RNF213: variants seen among roughly 807,000 people sequenced by gnomAD.
RNF213 encodes the protein ring finger protein 213, also known as E3 ubiquitin-protein ligase RNF213.
Under a neutral mutation model 514.4 loss-of-function variants are expected in RNF213, and 341 were observed. That is an observed-to-expected ratio of 0.66 (90% CI 0.61 to 0.73). RNF213 has a LOEUF of 0.73. Ranked by LOEUF, RNF213 falls within the 30% of genes least tolerant of loss-of-function variation. The pLI is 0.00. For missense variants in RNF213, 5,767 were observed against 6,615.6 expected (o/e 0.87, Z 4.45); for synonymous variants, 2,655 against 2,658.2 (o/e 1.00, Z 0.04).
At chr17:80,378,697 A>G (rs372829933) in intron 54 of RNF213, among the ~76,000 whole-genome samples, 1 of 152,126 alleles carries the variant, frequency 6.6e-6, no homozygotes, top group Non-Finnish European at 1.5e-5. Flanking sequence ...CTGAGCTTCA[A>G]TCACTTCCTT....
chr17:80,354,773 A>G lies in RNF213; in HGVS notation c.10862+197A>G, dbSNP rs1289766361. ...ACAGTGGCCAAATGGCAGGTGCTGG[A>G]CTCTTCCTCTAATTTCGTGTTTACA... is the stretch of plus-strand genomic sequence containing the variant. On this transcript the variant is annotated intron_variant, in intron 36 of 67. Transcript: ENST00000582970. The G allele has an allele frequency of 1.1e-5, 7 of 641,942 alleles. No individual in the cohort carries two copies. The Admixed American group carries it at 2.0e-4, about 18-fold the overall frequency. 39.8% of individuals were successfully genotyped at this position (641,942 alleles called of 1,614,324 possible).
In RNF213 at chr17:80,337,166, G is replaced by C. The variant is rs537027553; in HGVS notation, c.4528-420G>C. The stretch of plus-strand genomic sequence containing the variant: ...TCTCTTATTGTACTTGGGGACCACA[G>C]AAGGACACTGAGGACTTGGGACTCC... On this transcript the variant is annotated intron_variant, in intron 23 of 67. Coordinates refer to ENST00000582970, the MANE Select transcript of RNF213 (RefSeq NM_001256071.3). Among the ~76,000 whole-genome samples the C allele has an allele frequency of 1.6e-4, 24 of 152,344 alleles. No homozygotes were observed. In the South Asian group the frequency reaches 4.8e-3, roughly 30 times the overall value.
Position 80,344,784 on chromosome 17 carries a change from C to G in RNF213, c.6449C>G (p.Thr2150Arg). The G allele has an allele frequency of 6.2e-7, 1 of 1,614,190 alleles. No individual in the cohort carries two copies. The highest frequency in any genetic ancestry group is 2.2e-5 in the East Asian group (1 of 44,886). Reference sequence around the variant, plus strand: ...GAGCTGAGTGCCCTGAGGAGTGACACAGAGCCTGGGATGGATCTGTGGGAG... The same window carrying G: ...GAGCTGAGTGCCCTGAGGAGTGACAGAGAGCCTGGGATGGATCTGTGGGAG... ...DMELSALRSD[T>R]EPGMDLWEFC... Residue 2150 changes from threonine to arginine, a missense_variant, in exon 29 of 68, where the codon ACA becomes AGA. By Grantham distance (71) the Thr-to-Arg change is moderately conservative. Transcript: ENST00000582970.
At position 80,339,762 on chromosome 17, in the gene RNF213, C is replaced by T. The variant is rs34399489; in HGVS notation, c.5395C>T (p.Leu1799=). Residue 1799 remains leucine (L), a synonymous_variant, in exon 26 of 68, where the codon CTA becomes TTA. Coordinates refer to ENST00000582970, the MANE Select transcript of RNF213 (RefSeq NM_001256071.3). ...TGCCTTCCTGCCCGACTGCCTCGAC[C>T]TAGAGACCCTTGGCCACTGTCTGGC... ...LPAFLPDCLD[L]ETLGHCLAHL... 24,527 of 1,536,838 alleles carry T rather than the reference C, an allele frequency of 0.016. 228 individuals carry two copies. The highest frequency in any genetic ancestry group is 0.034 in the Middle Eastern group (201 of 5,990).
At chr17:80,276,925 C>T (rs1298616286) in intron 3 of RNF213, among the ~76,000 whole-genome samples, 2 of 151,762 alleles carry the variant, frequency 1.3e-5, no homozygotes, top group Non-Finnish European at 2.9e-5. Flanking sequence ...GGCGTGGTGG[C>T]GTATGCCTGT....
chr17:80,377,835 G>A lies in RNF213; in HGVS notation c.13545+39G>A, dbSNP rs200208573. 5.0e-6 allele frequency: 8 copies of A among 1,610,366 alleles called. No homozygotes were observed. The highest frequency in any genetic ancestry group is 1.7e-4 in the Middle Eastern group (1 of 6,050). On this transcript the variant is annotated intron_variant, in intron 54 of 67. Coordinates refer to ENST00000582970, the MANE Select transcript of RNF213 (RefSeq NM_001256071.3). The surrounding 1 kb of genome is among the most constrained non-coding windows in gnomAD (Gnocchi z 4.1). ...TTTAAGATAGGGTTTGAGGGGTGGC[G>A]TGCACTCCTGGGTTGGAGGAGGGGG...
chr17:80,372,883 G>A, intron 48 of RNF213, 92 bp from the exon 49 acceptor site: 1 of 1,412,032 alleles, frequency 7.1e-7, no homozygotes, highest in Non-Finnish European at 9.8e-7. Context: ...GAATGCCTGT[G>A]GGTAGGTCCG....
rs112918888 is a variant in RNF213 at position 80,263,488 on chromosome 17, G to C, written c.-108-86G>C. The C allele has an allele frequency of 7.5e-5, 47 of 623,348 alleles. No homozygotes were observed. Among genetic ancestry groups the C allele is most frequent in the East Asian group, 5.7e-4 (20 of 34,932 alleles). The allele number at this position is 623,348 out of a possible 1,614,324, so 38.6% of individuals were successfully genotyped here. On this transcript the variant is annotated intron_variant, in intron 1 of 67. Coordinates refer to ENST00000582970, the MANE Select transcript of RNF213 (RefSeq NM_001256071.3). This position sits in a 1 kb window ranked among gnomAD's most constrained non-coding sequence, Gnocchi z 4.9. ...GAGAGCCAAGGGGGCAGCACAGAGC[G>C]GGGAGGGGCTGGGCTTGGGCTGTGC...
Position 80,328,346 on chromosome 17 carries a change from C to G in RNF213, c.3386C>G (p.Pro1129Arg). ...IWQLREKSLS[P>R]QDEQCAVEEA... ...TTTCCAGGGGAAAAAAGTCTTTCAC[C>G]CCAGGATGAACAATGTGCTGTGGAG... Residue 1129 changes from proline to arginine, a missense_variant, in exon 20 of 68, where the codon CCC becomes CGC. By Grantham distance (103) the Pro-to-Arg change is moderately radical. This residue lies in a region of RNF213 where 516 missense variants were observed against 566.5 expected (regional missense o/e 0.91). Transcript: ENST00000582970. 2 of 1,536,500 alleles carry G rather than the reference C, an allele frequency of 1.3e-6. No individual in the cohort carries two copies. Among genetic ancestry groups the G allele is most frequent in the Non-Finnish European group, 1.7e-6 (2 of 1,146,570 alleles).
intron 49 of RNF213, among the ~76,000 whole-genome samples, chr17:80,374,024 A>AAG (rs1555677339): frequency 2.0e-5 from 3 of 151,144 alleles, no homozygotes; most frequent in Non-Finnish European, 4.4e-5. Flanking sequence ...AAAAAAAAAA[A>AAG]GAGGCTTCAA....
In RNF213 at chr17:80,361,753, G is replaced by A; in HGVS notation, c.11220G>A (p.Val3740=). The change falls in exon 39 of 68, where the codon GTG becomes GTA. Residue 3740 remains valine (V), a synonymous_variant. Coordinates refer to ENST00000582970, the MANE Select transcript of RNF213 (RefSeq NM_001256071.3). ...CTGCAGGACTGCCCAAGAAGTTCGTGGACATCTTTCAGCAGACTCCTCTGG... is the reference window on the plus strand; with the variant it reads ...CTGCAGGACTGCCCAAGAAGTTCGTAGACATCTTTCAGCAGACTCCTCTGG... The part of the protein sequence containing the change: ...TDAEGLPKKF[V]DIFQQTPLGR... 1 of 1,613,740 alleles carries A rather than the reference G, an allele frequency of 6.2e-7. No homozygotes were observed. Among genetic ancestry groups the A allele is most frequent in the Non-Finnish European group, 8.5e-7 (1 of 1,179,812 alleles).
At chr17:80,307,728 T>G (rs1273792283) in intron 13 of RNF213, among the ~76,000 whole-genome samples, 1 of 152,052 alleles carries the variant, frequency 6.6e-6, no homozygotes, top group Non-Finnish European at 1.5e-5. Flanking sequence ...TTTTGTATTT[T>G]TAGTAGAGAT....
At chr17:80,320,467 C>G (rs1451039140) in intron 17 of RNF213, 2 of 152,184 alleles carry the variant, frequency 1.3e-5, no homozygotes, top group African/African-American at 4.8e-5. Context: ...ATTCTCCTGC[C>G]TCAGCCTCCC....
intron 20 of RNF213, among the ~76,000 whole-genome samples, chr17:80,330,683 G>T (rs1418562051): frequency 6.6e-6 from 1 of 152,222 alleles, no homozygotes; most frequent in Non-Finnish European, 1.5e-5. Flanking sequence ...GTTCTGCCAT[G>T]TATCTGTGGC....
At position 80,393,512 on chromosome 17, in the gene RNF213, G is replaced by T; in HGVS notation, c.*14G>T. The T allele has an allele frequency of 6.2e-7, 1 of 1,613,610 alleles. No individual in the cohort carries two copies. On this transcript the variant is annotated 3_prime_UTR_variant, in exon 68 of 68. Transcript: ENST00000582970. ...GAAATGAGATAGAATTATTTCCTCA[G>T]CTATCTTTGGATGACTTTGGAGAGA...
At chr17:80,392,043 C>T (rs1053672657) in intron 67 of RNF213, among the ~76,000 whole-genome samples, 18 of 151,982 alleles carry the variant, frequency 1.2e-4, no homozygotes, top group African/African-American at 3.1e-4. Context: ...GCTAGGATTA[C>T]AGGCGTGAGC....
Position 80,352,930 on chromosome 17 carries a change from C to G in RNF213, c.10304-10C>G. On this transcript the variant is annotated splice_polypyrimidine_tract_variant and intron_variant, in intron 32 of 67. Transcript: ENST00000582970. ...ACAAAGACAGTTGTGGGTGGCTTCA[C>G]TCTTCACAGGGCTGTGGCAGTCTGT... 6.2e-7 allele frequency: 1 copy of G among 1,614,052 alleles called. No homozygotes were observed. The highest frequency in any genetic ancestry group is 8.5e-7 in the Non-Finnish European group (1 of 1,180,056).
intron 36 of RNF213, among the ~76,000 whole-genome samples, chr17:80,357,223 AT>A (rs1407158561): frequency 6.6e-6 from 1 of 152,124 alleles, no homozygotes; most frequent in East Asian, 1.9e-4. Flanking sequence ...CCACCTTTTA[AT>A]TCTTATCCTT....
At chr17:80,370,788 C>T (rs1182068160) in intron 46 of RNF213, among the ~76,000 whole-genome samples, 1 of 152,194 alleles carries the variant, frequency 6.6e-6, no homozygotes, top group African/African-American at 2.4e-5. Flanking sequence ...GAAGGATGCA[C>T]ATGATACAGG....
Sources: gnomAD v4.1 joint callset for allele counts (sites outside exome capture counted in the v4.1 genomes callset) on GRCh38, gnomAD v4.1.1 for gene constraint, gnomAD v4.1.1 regional missense constraint, Gnocchi (gnomAD v3.1) non-coding constraint, MANE v1.5 for transcripts, NCBI Gene and HGNC (gene_info 2026-07-23, HGNC 2026-07-21) for gene names.